The following CCDC171 variants were observed in gnomAD, a reference collection of about 807,000 sequenced individuals.
The protein encoded by CCDC171 is coiled-coil domain containing 171, also known as coiled-coil domain-containing protein 171.
CCDC171 carries 177 observed loss-of-function variants against 168.2 expected under a neutral mutation model. The observed-to-expected ratio is 1.05, with a 90% CI of 0.93 to 1.19. The LOEUF is 1.19. Ranked by LOEUF, CCDC171 falls within the 50% of genes most tolerant of loss-of-function variation. The pLI, the probability that CCDC171 is intolerant of heterozygous loss-of-function variation, is 0.00. For synonymous variants in CCDC171, 687 were observed against 540.8 expected (o/e 1.27, Z -3.75); for missense variants, 1,991 against 1,539.0 (o/e 1.29, Z -4.91).
chr9:15,683,956 C>G (rs1247384380), intron 10 of CCDC171, among the ~76,000 whole-genome samples: 1 of 152,030 alleles, frequency 6.6e-6, no homozygotes, highest in African/African-American at 2.4e-5. Flanking sequence ...TCATGGAATA[C>G]TGACATCCGT....
At chr9:15,890,158 C>G (rs1050368045) in intron 24 of CCDC171, among the ~76,000 whole-genome samples, 1 of 150,394 alleles carries the variant, frequency 6.6e-6, no homozygotes, top group Non-Finnish European at 1.5e-5. Flanking sequence ...ACAAAGGTAA[C>G]TCAAACTTTT....
At chr9:15,690,442 G>T (rs2050705288) in intron 10 of CCDC171, among the ~76,000 whole-genome samples, 1 of 152,068 alleles carries the variant, frequency 6.6e-6, no homozygotes, top group Admixed American at 6.6e-5. Context: ...TTTAGAGATA[G>T]ATTATCTCAC....
At chr9:15,943,631 A>G (rs10810487) in intron 25 of CCDC171, among the ~76,000 whole-genome samples, 46,622 of 151,906 alleles carry the variant, frequency 0.31, 8,957 homozygotes, top group East Asian at 0.61. Flanking sequence ...CAAGTGCCCA[A>G]CGAAGGTTTA....
At chr9:15,600,296 A>G (rs959885189) in intron 6 of CCDC171, among the ~76,000 whole-genome samples, 1 of 151,992 alleles carries the variant, frequency 6.6e-6, no homozygotes, top group African/African-American at 2.4e-5. Flanking sequence ...GATGATGGTG[A>G]TGTACAGATG....
chr9:15,962,605 G>A (rs901292059), intron 25 of CCDC171, among the ~76,000 whole-genome samples: 1 of 151,804 alleles, frequency 6.6e-6, no homozygotes, highest in Non-Finnish European at 1.5e-5. Context: ...GATTACTTGT[G>A]GGGGTTACCA....
At chr9:15,905,809 A>G (rs1822493353) in intron 24 of CCDC171, among the ~76,000 whole-genome samples, 1 of 152,232 alleles carries the variant, frequency 6.6e-6, no homozygotes, top group Non-Finnish European at 1.5e-5. Context: ...GAGAAGAATC[A>G]AACAGACACA....
rs1453926196 is a variant in CCDC171 at position 15,777,725 on chromosome 9, T to C, written c.2797T>C (p.Tyr933His). 4 of 1,613,904 alleles carry C rather than the reference T, an allele frequency of 2.5e-6. No individual in the cohort carries two copies. The highest frequency in any genetic ancestry group is 3.3e-5 in the Admixed American group (2 of 59,986). ...IPLHSSRSIT[Y>H]VEKDSLVQRL... ...TCTGCACAGTAGCAGGAGTATTACATATGTAGAAAAAGATTCCCTGGTTCA... is the reference window on the plus strand; with the variant it reads ...TCTGCACAGTAGCAGGAGTATTACACATGTAGAAAAAGATTCCCTGGTTCA... Residue 933 changes from tyrosine (Y) to histidine (H), a missense_variant, in exon 19 of 26, where the codon TAT (tyrosine) becomes CAT (histidine). Physicochemically the swap from Tyr to His is moderately conservative, Grantham distance 83. Transcript: ENST00000380701.
At chr9:16,105,290 C>T in the CCDC171 span, among the ~76,000 whole-genome samples, 2 of 152,166 alleles carry the variant, frequency 1.3e-5, no homozygotes, top group Admixed American at 1.3e-4. Flanking sequence ...GGGAAGAAGG[C>T]ATCCCTAACA....
chr9:15,777,098 A>C (rs1564386286), intron 18 of CCDC171, among the ~76,000 whole-genome samples: 1 of 152,246 alleles, frequency 6.6e-6, no homozygotes, highest in African/African-American at 2.4e-5. Flanking sequence ...TCTAGCAGTA[A>C]GCAGGCCATG....
chr9:16,083,371 G>A, the CCDC171 span, among the ~76,000 whole-genome samples: 1 of 152,192 alleles, frequency 6.6e-6, no homozygotes, highest in East Asian at 1.9e-4. Flanking sequence ...ACTTACACTC[G>A]TAGCTTCTGG....
chr9:16,015,455 GTTA>G (rs1423735772), intron 3 of CCDC171, among the ~76,000 whole-genome samples: 1 of 152,052 alleles, frequency 6.6e-6, no homozygotes, highest in South Asian at 2.1e-4. Flanking sequence ...GACTACTACT[GTTA>G]TTATTGTTAT....
In CCDC171 at chr9:15,644,059, T is replaced by G. The variant is rs570608907; in HGVS notation, c.823-13068T>G. Among the ~76,000 whole-genome samples, 3 of 152,330 alleles carry G rather than the reference T, an allele frequency of 2.0e-5. No individual in the cohort carries two copies. In the East Asian group the frequency reaches 5.8e-4, roughly 29 times the overall value. Reference sequence around the variant, plus strand: ...ACTTTTGTGCATAATTTTTTGAATCTGTTTTCATTTCTCTTGGGCAAATAT... The same window carrying G: ...ACTTTTGTGCATAATTTTTTGAATCGGTTTTCATTTCTCTTGGGCAAATAT... On this transcript the variant is annotated intron_variant, in intron 7 of 25. Coordinates refer to ENST00000380701, the MANE Select transcript of CCDC171 (RefSeq NM_173550.4).
chr9:15,946,287 A>G (rs1828370440), intron 25 of CCDC171, among the ~76,000 whole-genome samples: 1 of 151,792 alleles, frequency 6.6e-6, no homozygotes, highest in Non-Finnish European at 1.5e-5. Context: ...ACTGTAGCCA[A>G]AATCTCCTTA....
In CCDC171 at chr9:15,744,259, G is replaced by T. The variant is rs762342134; in HGVS notation, c.2050-14G>T. ...TGTTTCATGATCAAATATATTTTTT[G>T]ACTTCTTCCATAGAAATTTCAAGAA... On this transcript the variant is annotated splice_polypyrimidine_tract_variant and intron_variant, in intron 16 of 25. Coordinates refer to ENST00000380701, the MANE Select transcript of CCDC171 (RefSeq NM_173550.4). 2.6e-6 allele frequency: 4 copies of T among 1,553,118 alleles called. No homozygotes were observed. In the South Asian group the frequency reaches 3.7e-5, roughly 14 times the overall value.
intron 9 of CCDC171, among the ~76,000 whole-genome samples, chr9:15,672,248 T>C (rs934326884): frequency 7.2e-5 from 11 of 152,224 alleles, no homozygotes; most frequent in African/African-American, 2.7e-4. Flanking sequence ...TTCTGGATAT[T>C]AGCCCTTTGT....
rs114483151 is a variant in CCDC171, at chr9:15,788,171, G to C, written c.3267+3477G>C. 4.1e-3 allele frequency among the ~76,000 whole-genome samples: 623 copies of C among 152,228 alleles called. 2 individuals are homozygous for C. Among genetic ancestry groups the C allele is most frequent in the African/African-American group, 0.014 (589 of 41,548 alleles). ...TTGTGGGAGGCAACATGGTTCAATG[G>C]GAAAAGCACTGGCCTTGGAACAAGT... On this transcript the variant is annotated intron_variant, in intron 21 of 25. Transcript: ENST00000380701.
chr9:15,700,319 C>T (rs1052381415), intron 11 of CCDC171, among the ~76,000 whole-genome samples: 27 of 152,186 alleles, frequency 1.8e-4, no homozygotes, highest in Non-Finnish European at 2.6e-4. Flanking sequence ...CTGGCAGGGC[C>T]GGCCGGCTGC....
rs980746602 is a variant in CCDC171, at chr9:15,557,205, G to A, written c.-112+3903G>A. ...CTCCAGCTTTGTTCTTTTTGCTTAG[G>A]ATTGTCTTGGCAATGTGGGCTCTTT... On this transcript the variant is annotated intron_variant, in intron 1 of 25. Coordinates refer to ENST00000380701, the MANE Select transcript of CCDC171 (RefSeq NM_173550.4). Among the ~76,000 whole-genome samples, 35 of 152,088 alleles carry A rather than the reference G, an allele frequency of 2.3e-4. 1 individual carries two copies. The highest frequency in any genetic ancestry group is 4.6e-4 in the Non-Finnish European group (31 of 67,988).
the CCDC171 span, among the ~76,000 whole-genome samples, chr9:16,084,637 A>C: frequency 6.6e-6 from 1 of 152,050 alleles, no homozygotes; most frequent in African/African-American, 2.4e-5. Context: ...CAAACTTCCT[A>C]CTGCCTATGT....
Sources: allele counts gnomAD v4.1 joint callset (sites outside exome capture counted in the v4.1 genomes callset), GRCh38; gene constraint gnomAD v4.1.1; transcripts MANE v1.5; gene names NCBI Gene and HGNC (gene_info 2026-07-23, HGNC 2026-07-21).